Variants in OPN3 observed in about 807,000 individuals in gnomAD.
The protein encoded by OPN3 is opsin 3, also known as opsin-3.
OPN3 carries 29 observed loss-of-function variants against 33.8 expected under a neutral mutation model. The observed-to-expected ratio is 0.86, with a 90% confidence interval of 0.64 to 1.17. OPN3 has a LOEUF of 1.17. OPN3 is among the 50% of genes most tolerant of loss of function. The pLI is 0.00. For synonymous variants in OPN3, 216 were observed against 216.1 expected, an observed-to-expected ratio of 1.00 and a Z score of 0.00; for missense variants, 437 against 514.1, an observed-to-expected ratio of 0.85 and a Z score of 1.45.
rs181162135 is a variant in OPN3, at chr1:241,637,042, C to A, written c.373+2840G>T. On this transcript the variant is annotated intron_variant, in intron 1 of 3. Coordinates refer to ENST00000366554, the MANE Select transcript of OPN3 (RefSeq NM_014322.3). ...TGTGCGGAAGACATCTGTGTGATGC[C>A]CTGTGTGGCCAGAGGTAGAAAGGCC... 3.9e-5 allele frequency among the ~76,000 whole-genome samples: 6 copies of A among 152,192 alleles called. No individual in the cohort carries two copies. In the East Asian group the frequency reaches 1.2e-3, roughly 29 times the overall value.
chr1:241,636,217 A>G (rs1425029392), intron 1 of OPN3: 4 of 394,364 alleles, frequency 1.0e-5, no homozygotes, highest in African/African-American at 2.1e-5. Context: ...GCTTTCTCAC[A>G]TATTTTCTAA....
chr1:241,617,373 T>C (rs552744301), intron 1 of OPN3, among the ~76,000 whole-genome samples: 1 of 152,360 alleles, frequency 6.6e-6, no homozygotes, highest in East Asian at 1.9e-4. Context: ...CTCTGTGACC[T>C]GCAATGATGA....
At chr1:241,628,206 G>A (rs1425110276) in intron 1 of OPN3, among the ~76,000 whole-genome samples, 2 of 152,160 alleles carry the variant, frequency 1.3e-5, no homozygotes, top group Non-Finnish European at 2.9e-5. Context: ...GAAACAGGAA[G>A]TGCTAGTTAC....
At chr1:241,600,059 T>C (rs1472498602) in intron 2 of OPN3, among the ~76,000 whole-genome samples, 2 of 152,248 alleles carry the variant, frequency 1.3e-5, no homozygotes, top group African/African-American at 4.8e-5. Context: ...CCAATCGTTT[T>C]ATCTGTACCA....
intron 1 of OPN3, among the ~76,000 whole-genome samples, chr1:241,614,343 T>G (rs1664068816): frequency 6.6e-6 from 1 of 150,740 alleles, no homozygotes; most frequent in African/African-American, 2.5e-5. Flanking sequence ...GGCCACATGC[T>G]GTGGTCTGTG....
intron 1 of OPN3, chr1:241,635,317 G>C (rs777296643): frequency 6.2e-7 from 1 of 1,613,872 alleles, no homozygotes; most frequent in Non-Finnish European, 8.5e-7. Flanking sequence ...GCATTTCGTC[G>C]CTATTAAAAT....
intron 1 of OPN3, among the ~76,000 whole-genome samples, chr1:241,611,850 G>A (rs922253223): frequency 2.6e-5 from 4 of 152,178 alleles, no homozygotes; most frequent in African/African-American, 9.7e-5. Context: ...CCCTTGGGCT[G>A]CAATGAGGAA....
intron 1 of OPN3, among the ~76,000 whole-genome samples, chr1:241,605,380 A>G (rs888803614): frequency 6.6e-6 from 1 of 152,226 alleles, no homozygotes; most frequent in Non-Finnish European, 1.5e-5. Context: ...ATGTCAGCAT[A>G]CAAACTGTTC....
intron 1 of OPN3, among the ~76,000 whole-genome samples, chr1:241,620,756 C>A (rs1308319525): frequency 1.3e-5 from 2 of 152,000 alleles, no homozygotes; most frequent in Non-Finnish European, 2.9e-5. Flanking sequence ...CATACGAAGT[C>A]TTGGAAATAT....
chr1:241,612,139 A>G (rs1025861968), intron 1 of OPN3, among the ~76,000 whole-genome samples: 2 of 152,178 alleles, frequency 1.3e-5, no homozygotes, highest in Non-Finnish European at 2.9e-5. Context: ...TTAGGGGATA[A>G]CTTATGTCAT....
intron 1 of OPN3, chr1:241,632,384 C>T (rs2148023996): frequency 6.6e-6 from 1 of 152,226 alleles, no homozygotes; most frequent in Middle Eastern, 3.4e-3. Flanking sequence ...GCGAATTTGC[C>T]TCACAGGATT....
chr1:241,627,838 T>C (rs1217980209), intron 1 of OPN3, among the ~76,000 whole-genome samples: 1 of 152,208 alleles, frequency 6.6e-6, no homozygotes. Context: ...TGACTTTCAC[T>C]TGATCCATCA....
chr1:241,634,128 T>C, intron 1 of OPN3: 5 of 1,613,036 alleles, frequency 3.1e-6, no homozygotes, highest in Non-Finnish European at 3.4e-6. Context: ...CACAAGAGTC[T>C]TGGCTTTGTA....
At chr1:241,611,963 C>T (rs948122843) in intron 1 of OPN3, among the ~76,000 whole-genome samples, 5 of 152,146 alleles carry the variant, frequency 3.3e-5, no homozygotes, top group South Asian at 4.2e-4. Flanking sequence ...GAAGGAGAGA[C>T]GAGGAAGGTC....
At chr1:241,635,547 C>G (rs758329655) in intron 1 of OPN3, 15 of 1,613,944 alleles carry the variant, frequency 9.3e-6, no homozygotes, top group Admixed American at 1.7e-5. Context: ...TGCCATACAA[C>G]AGTACTTTCT....
At chr1:241,607,977 T>C (rs968760724) in intron 1 of OPN3, among the ~76,000 whole-genome samples, 1 of 152,196 alleles carries the variant, frequency 6.6e-6, no homozygotes, top group Non-Finnish European at 1.5e-5. Context: ...ATCCTTTCTT[T>C]ACCTGATTAG....
chr1:241,630,506 GTACATTTTTATAC>G (rs1257152073), intron 1 of OPN3: 1 of 151,926 alleles, frequency 6.6e-6, no homozygotes, highest in Non-Finnish European at 1.5e-5. Context: ...GTCTTTGTTA[GTACATTTTTATAC>G]TATAAGTTTT....
At chr1:241,631,416 T>C (rs1330644021) in intron 1 of OPN3, 4 of 152,132 alleles carry the variant, frequency 2.6e-5, no homozygotes, top group African/African-American at 4.8e-5. Flanking sequence ...GTATTTCTCA[T>C]TTTAATTACT....
intron 1 of OPN3, among the ~76,000 whole-genome samples, chr1:241,616,270 G>A (rs1033344398): frequency 5.5e-4 from 84 of 152,122 alleles, no homozygotes; most frequent in African/African-American, 2.0e-3. Flanking sequence ...GGGAACGTGT[G>A]CTAAGATAAT....
Sources: gnomAD v4.1 joint callset for allele counts (sites outside exome capture counted in the v4.1 genomes callset) on GRCh38, gnomAD v4.1.1 for gene constraint, MANE v1.5 for transcripts, NCBI Gene and HGNC (gene_info 2026-07-23, HGNC 2026-07-21) for gene names.